The following RBMS3 variants were observed in gnomAD, a reference collection of about 807,000 sequenced individuals.
The protein encoded by RBMS3 is RNA-binding motif, single-stranded-interacting protein 3.
A neutral mutation model predicts 66.8 loss-of-function variants in RBMS3; 27 were observed. That is an observed-to-expected ratio of 0.40 (90% CI 0.30 to 0.56). The LOEUF is 0.56. RBMS3 is among the 20% of genes least tolerant of loss of function. The pLI, the probability that RBMS3 is intolerant of heterozygous loss-of-function variation, is 0.40. For synonymous variants in RBMS3, 188 were observed against 183.0 expected (o/e 1.03, Z -0.22); for missense variants, 513 against 549.5 (o/e 0.93, Z 0.66).
rs574755472 is a variant in RBMS3 at position 29,978,607 on chromosome 3, G to C, written c.1099-9536G>C. On this transcript the variant is annotated intron_variant, in intron 12 of 14. Coordinates refer to ENST00000383767, the MANE Select transcript of RBMS3 (RefSeq NM_001003793.3). ...CCAAGTATTTAAGGTAGCTCGCCTGGAAGAAAATTAGGTTGTCTGAATATA... is the reference window on the plus strand; with the variant it reads ...CCAAGTATTTAAGGTAGCTCGCCTGCAAGAAAATTAGGTTGTCTGAATATA... Among the ~76,000 whole-genome samples, 5 of 151,536 alleles carry C rather than the reference G, an allele frequency of 3.3e-5. No individual in the cohort carries two copies. In the East Asian group the frequency reaches 7.8e-4, roughly 24 times the overall value.
chr3:29,705,219 G>A (rs1329307952), intron 4 of RBMS3, among the ~76,000 whole-genome samples: 1 of 152,200 alleles, frequency 6.6e-6, no homozygotes, highest in African/African-American at 2.4e-5. Context: ...TCCACAGGGT[G>A]TGTCATTTAA....
At chr3:29,644,244 A>G (rs2049835510) in intron 4 of RBMS3, among the ~76,000 whole-genome samples, 1 of 152,246 alleles carries the variant, frequency 6.6e-6, no homozygotes, top group African/African-American at 2.4e-5. Context: ...CAAAAAAATA[A>G]AAAAAAGGAA....
chr3:29,398,003 C>T (rs2039635454), intron 1 of RBMS3, among the ~76,000 whole-genome samples: 1 of 152,176 alleles, frequency 6.6e-6, no homozygotes, highest in Non-Finnish European at 1.5e-5. Flanking sequence ...GAGATTACTT[C>T]TAAATCTCCT....
At chr3:29,753,111 G>T (rs1410447431) in intron 5 of RBMS3, among the ~76,000 whole-genome samples, 1 of 152,092 alleles carries the variant, frequency 6.6e-6, no homozygotes, top group Non-Finnish European at 1.5e-5. Context: ...TCAGAAAGCT[G>T]GTATTTTCAA....
intron 1 of RBMS3, among the ~76,000 whole-genome samples, chr3:29,406,274 G>GT (rs1334506357): frequency 2.0e-5 from 3 of 152,160 alleles, no homozygotes; most frequent in African/African-American, 7.2e-5. Flanking sequence ...AAAGCAATTA[G>GT]TTTTAAACAG....
chr3:29,696,131 C>T (rs9845047), intron 4 of RBMS3, among the ~76,000 whole-genome samples: 1 of 152,188 alleles, frequency 6.6e-6, no homozygotes, highest in South Asian at 2.1e-4. Context: ...TGGATGGTGA[C>T]ACTTAATTAT....
At chr3:29,726,498 A>G (rs1447345988) in intron 4 of RBMS3, among the ~76,000 whole-genome samples, 1 of 152,236 alleles carries the variant, frequency 6.6e-6, no homozygotes, top group Non-Finnish European at 1.5e-5. Flanking sequence ...GCTGATAAGC[A>G]ACTTGAGCAA....
chr3:29,330,108 G>A (rs1345418133), intron 1 of RBMS3, among the ~76,000 whole-genome samples: 1 of 152,054 alleles, frequency 6.6e-6, no homozygotes, highest in Non-Finnish European at 1.5e-5. Context: ...CTCTATGTCT[G>A]TACCACATAG....
intron 6 of RBMS3, among the ~76,000 whole-genome samples, chr3:29,821,970 T>G (rs2058086946): frequency 6.6e-6 from 1 of 152,188 alleles, no homozygotes; most frequent in African/African-American, 2.4e-5. Context: ...AAAATTCAAC[T>G]AAGTCACTAA....
intron 1 of RBMS3, among the ~76,000 whole-genome samples, chr3:29,325,670 A>G (rs2035294194): frequency 6.6e-6 from 1 of 151,820 alleles, no homozygotes; most frequent in South Asian, 2.1e-4. Context: ...ACACATACAC[A>G]CACATATGTA....
intron 2 of RBMS3, among the ~76,000 whole-genome samples, chr3:29,435,270 A>C: frequency 6.6e-6 from 1 of 152,336 alleles, no homozygotes; most frequent in South Asian, 2.1e-4. Flanking sequence ...GAGAAGTATT[A>C]GTGAAAGGAA....
intron 4 of RBMS3, among the ~76,000 whole-genome samples, chr3:29,598,251 C>T (rs1286500108): frequency 6.6e-6 from 1 of 151,956 alleles, no homozygotes; most frequent in Non-Finnish European, 1.5e-5. Flanking sequence ...TTTTAAATTC[C>T]CAGAAAATAT....
At chr3:29,692,840 C>T (rs1306848716) in intron 4 of RBMS3, among the ~76,000 whole-genome samples, 3 of 152,150 alleles carry the variant, frequency 2.0e-5, no homozygotes, top group African/African-American at 7.2e-5. Context: ...TATAATCATG[C>T]TCTCTTTTCT....
Position 29,950,274 on chromosome 3 carries a change from T to C in RBMS3, c.1098+6020T>C, listed in dbSNP as rs573562771. 1.1e-4 allele frequency among the ~76,000 whole-genome samples: 17 copies of C among 151,934 alleles called. No homozygotes were observed. The East Asian group carries it at 1.2e-3, about 10-fold the overall frequency. ...CAGCCTCTCAAAATGCTTTCTGCAG[T>C]AGAATTTTTCAGTGAGTGGCAGCAA... On this transcript the variant is annotated intron_variant, in intron 12 of 14. Transcript: ENST00000383767.
chr3:29,519,294 G>C (rs540872354), intron 3 of RBMS3, among the ~76,000 whole-genome samples: 24 of 152,268 alleles, frequency 1.6e-4, no homozygotes, highest in African/African-American at 5.8e-4. Context: ...TAAGGCGAGG[G>C]CTGTGTCAGT....
At chr3:29,498,206 G>A (rs2043834511) in intron 3 of RBMS3, among the ~76,000 whole-genome samples, 1 of 151,416 alleles carries the variant, frequency 6.6e-6, no homozygotes, top group African/African-American at 2.4e-5. Flanking sequence ...TGTTAACCTG[G>A]CTGGTCTCGA....
chr3:29,293,903 TTA>T (rs1480705362), intron 1 of RBMS3, among the ~76,000 whole-genome samples: 1 of 151,586 alleles, frequency 6.6e-6, no homozygotes, highest in Non-Finnish European at 1.5e-5. Context: ...TTATTGCTTT[TTA>T]TATGTTTCTC....
chr3:29,990,460 C>CAAA (rs10596526), intron 13 of RBMS3, among the ~76,000 whole-genome samples: 51 of 106,494 alleles, frequency 4.8e-4, no homozygotes, highest in East Asian at 7.3e-4. Flanking sequence ...CTGTGAGAAA[C>CAAA]AAAAAAAAAA....
intron 10 of RBMS3, chr3:29,926,899 C>A (rs1053663653): frequency 1.3e-5 from 2 of 152,174 alleles, no homozygotes; most frequent in African/African-American, 4.8e-5. Flanking sequence ...TGACAAGAAT[C>A]TCAGGCAGAT....
Sources: allele counts gnomAD v4.1 joint callset (sites outside exome capture counted in the v4.1 genomes callset), GRCh38; gene constraint gnomAD v4.1.1; transcripts MANE v1.5; gene names NCBI Gene and HGNC (gene_info 2026-07-23, HGNC 2026-07-21).